Variants in CSMD1 observed in about 807,000 individuals in gnomAD.
CSMD1 encodes CUB and Sushi multiple domains 1, also known as CUB and sushi domain-containing protein 1.
A neutral mutation model predicts 417.5 loss-of-function variants in CSMD1; 213 were observed. The ratio of observed to expected loss-of-function variants is 0.51; its 90% confidence interval spans 0.46 to 0.57. CSMD1 has a LOEUF of 0.57. CSMD1 is among the 20% of genes least tolerant of loss of function. The pLI is 0.00. For synonymous variants in CSMD1, 2,862 were observed against 1,736.8 expected, an observed-to-expected ratio of 1.65 and a Z score of -16.11; for missense variants, 6,923 against 4,529.7, an observed-to-expected ratio of 1.53 and a Z score of -15.17.
At chr8:4,690,662 C>T (rs1033097291) in intron 1 of CSMD1, among the ~76,000 whole-genome samples, 1 of 152,142 alleles carries the variant, frequency 6.6e-6, no homozygotes, top group Non-Finnish European at 1.5e-5. Context: ...ATAATCTCAG[C>T]ATTTCAGCAG....
chr8:3,393,878 T>C (rs1202275374), intron 17 of CSMD1, among the ~76,000 whole-genome samples: 2 of 150,646 alleles, frequency 1.3e-5, no homozygotes, highest in African/African-American at 2.4e-5. Flanking sequence ...TTAGGAGATA[T>C]ACCTAATGTA....
intron 3 of CSMD1, among the ~76,000 whole-genome samples, chr8:4,284,422 A>G (rs988016065): frequency 7.0e-6 from 1 of 143,848 alleles, no homozygotes; most frequent in Non-Finnish European, 1.5e-5. Context: ...AGAGACAAAC[A>G]CTGCGGGAGG....
At chr8:3,669,889 C>T (rs1164680800) in intron 7 of CSMD1, among the ~76,000 whole-genome samples, 1 of 152,110 alleles carries the variant, frequency 6.6e-6, no homozygotes. Context: ...GCACCTCCTT[C>T]CTTCTTCTTT....
chr8:4,141,794 C>A (rs1385533053), intron 3 of CSMD1, among the ~76,000 whole-genome samples: 2 of 151,078 alleles, frequency 1.3e-5, no homozygotes, highest in East Asian at 3.9e-4. Flanking sequence ...ATATTGTGAA[C>A]TCTATTTTAC....
At chr8:3,782,259 T>G (rs764322829) in intron 5 of CSMD1, among the ~76,000 whole-genome samples, 1 of 152,240 alleles carries the variant, frequency 6.6e-6, no homozygotes, top group Non-Finnish European at 1.5e-5. Context: ...TTGTGCTTGC[T>G]TTGTTTAATG....
intron 1 of CSMD1, among the ~76,000 whole-genome samples, chr8:4,648,180 TC>T (rs1260194314): frequency 6.6e-6 from 1 of 152,244 alleles, no homozygotes; most frequent in Non-Finnish European, 1.5e-5. Flanking sequence ...TGTTGAGCTT[TC>T]TTTCTTATGT....
At chr8:3,995,102 C>A (rs528510021) in intron 5 of CSMD1, among the ~76,000 whole-genome samples, 2 of 152,154 alleles carry the variant, frequency 1.3e-5, no homozygotes, top group Non-Finnish European at 2.9e-5. Context: ...ATTTCAGAGA[C>A]TGTCACTGTA....
chr8:3,948,373 A>C lies in CSMD1; in HGVS notation c.818+49530T>G, dbSNP rs116816928. 8.4e-3 allele frequency among the ~76,000 whole-genome samples: 1,275 copies of C among 152,262 alleles called. 17 individuals carry two copies. Among genetic ancestry groups the C allele is most frequent in the African/African-American group, 0.029 (1,189 of 41,566 alleles). On this transcript the variant is annotated intron_variant, in intron 5 of 69. Coordinates refer to ENST00000635120, the MANE Select transcript of CSMD1 (RefSeq NM_033225.6). The stretch of plus-strand genomic sequence containing the variant: ...AATAAATGACTGAAGAGCACTTTGG[A>C]AGCACTGATGCATACAGGAGAGGGA...
chr8:4,373,566 A>G (rs1191598507), intron 3 of CSMD1, among the ~76,000 whole-genome samples: 2 of 152,214 alleles, frequency 1.3e-5, no homozygotes, highest in African/African-American at 4.8e-5. Flanking sequence ...AACTCTTATC[A>G]TTTAATTTCA....
intron 10 of CSMD1, among the ~76,000 whole-genome samples, chr8:3,547,292 A>G (rs945224714): frequency 2.6e-5 from 4 of 152,254 alleles, no homozygotes; most frequent in African/African-American, 9.6e-5. Context: ...ACTCGACAAG[A>G]AAATGAAATG....
chr8:4,810,283 G>A (rs977173160), intron 1 of CSMD1, among the ~76,000 whole-genome samples: 8 of 152,048 alleles, frequency 5.3e-5, no homozygotes, highest in African/African-American at 1.7e-4. Context: ...AATTCAAATT[G>A]ATTTTCTCAT....
chr8:4,766,426 G>T (rs774554842), intron 1 of CSMD1, among the ~76,000 whole-genome samples: 6 of 152,132 alleles, frequency 3.9e-5, no homozygotes, highest in African/African-American at 1.4e-4. Flanking sequence ...GTTCTCCTTC[G>T]ATCACGAATA....
chr8:4,783,586 T>G (rs1242279749), intron 1 of CSMD1, among the ~76,000 whole-genome samples: 1 of 152,226 alleles, frequency 6.6e-6, no homozygotes, highest in East Asian at 1.9e-4. Context: ...TGTTCAAATG[T>G]GTGGGTTAGC....
chr8:4,133,249 T>C (rs577995535), intron 3 of CSMD1, among the ~76,000 whole-genome samples: 2 of 152,270 alleles, frequency 1.3e-5, no homozygotes, highest in East Asian at 3.9e-4. Context: ...AAACATCTAA[T>C]AATATTATTA....
chr8:3,502,977 T>G (rs754648138), intron 10 of CSMD1, among the ~76,000 whole-genome samples: 5 of 151,828 alleles, frequency 3.3e-5, no homozygotes, highest in Admixed American at 1.3e-4. Flanking sequence ...AGTGGGGAGG[T>G]TGTGCATGTG....
intron 3 of CSMD1, among the ~76,000 whole-genome samples, chr8:4,252,504 A>C (rs1337408553): frequency 2.6e-5 from 4 of 152,230 alleles, no homozygotes; most frequent in Non-Finnish European, 4.4e-5. Flanking sequence ...AGCCAGAGGC[A>C]TGTCCTGTTT....
chr8:3,874,228 T>C (rs1283982556), intron 5 of CSMD1, among the ~76,000 whole-genome samples: 2 of 152,182 alleles, frequency 1.3e-5, no homozygotes, highest in Non-Finnish European at 2.9e-5. Context: ...CCTGCAATTT[T>C]CTAAAGGATG....
At chr8:3,649,290 GA>G (rs1250399808) in intron 7 of CSMD1, among the ~76,000 whole-genome samples, 1 of 152,062 alleles carries the variant, frequency 6.6e-6, no homozygotes, top group Admixed American at 6.6e-5. Flanking sequence ...TGAGAACCAA[GA>G]AAAAAACATG....
chr8:3,748,546 G>T (rs1797167727), intron 6 of CSMD1, among the ~76,000 whole-genome samples: 1 of 152,100 alleles, frequency 6.6e-6, no homozygotes, highest in Non-Finnish European at 1.5e-5. Context: ...TCTAGATAAT[G>T]GTTGTTATTA....
Sources: gnomAD v4.1 joint callset for allele counts (sites outside exome capture counted in the v4.1 genomes callset) on GRCh38, gnomAD v4.1.1 for gene constraint, MANE v1.5 for transcripts, NCBI Gene and HGNC (gene_info 2026-07-23, HGNC 2026-07-21) for gene names.